CUL1: variants seen among roughly 807,000 people sequenced by gnomAD.
CUL1 encodes the protein cullin 1.
CUL1 carries 24 observed loss-of-function variants against 118.0 expected under a neutral mutation model. The observed-to-expected ratio is 0.20, with a 90% CI of 0.15 to 0.29. CUL1 has a LOEUF of 0.29. Among genes scored for constraint, CUL1 ranks in the 10% least tolerant of loss-of-function variants. The probability of loss-of-function intolerance (pLI) is 1.00; values close to 1 mark genes in which losing one functional copy is unlikely to be tolerated. For missense variants in CUL1, 361 were observed against 933.8 expected, an observed-to-expected ratio of 0.39 and a Z score of 7.99; for synonymous variants, 332 against 340.4, an observed-to-expected ratio of 0.98 and a Z score of 0.27.
intron 1 of CUL1, among the ~76,000 whole-genome samples, chr7:148,722,313 G>A (rs966045105): frequency 3.9e-5 from 6 of 152,048 alleles, no homozygotes; most frequent in Non-Finnish European, 5.9e-5. Context: ...CTACATCCTC[G>A]GATTGGGACT....
At position 148,729,967 on chromosome 7, in the gene CUL1, C is replaced by G; in HGVS notation, c.-156C>G. The G allele has an allele frequency of 1.2e-6, 1 of 806,110 alleles. No individual in the cohort carries two copies. The highest frequency in any genetic ancestry group is 1.9e-6 in the Non-Finnish European group (1 of 523,324). The allele number at this position is 806,110 out of a possible 1,614,324, so 49.9% of individuals were successfully genotyped here. ...TCTCTTTATTTCTTCCTCAGGTTTG[C>G]CTGCAATGAGATTTCATTCTCTACA... On this transcript the variant is annotated 5_prime_UTR_variant, in exon 2 of 22. Transcript: ENST00000325222.
intron 2 of CUL1, among the ~76,000 whole-genome samples, chr7:148,746,370 G>A (rs183589389): frequency 4.6e-5 from 7 of 151,462 alleles, no homozygotes; most frequent in African/African-American, 1.5e-4. Flanking sequence ...GCACACTTGC[G>A]TGCAGCCTTG....
At chr7:148,707,926 G>C (rs1797937887) in intron 1 of CUL1, among the ~76,000 whole-genome samples, 1 of 152,180 alleles carries the variant, frequency 6.6e-6, no homozygotes, top group African/African-American at 2.4e-5. Flanking sequence ...AGTTTAGGAA[G>C]CATCACCAGG....
rs1485114214 is a variant in CUL1 at position 148,759,327 on chromosome 7, C to G, written c.507C>G (p.Asp169Glu). ...IYSLALVTWR[D>E]CLFRPLNKQV... is the part of the protein sequence containing the mutation. ...AGCTTGCATTGGTGACTTGGAGAGA[C>G]TGTCTGTTCAGGCCACTGAATAAAC... Residue 169 changes from aspartate (D) to glutamate (E), a missense_variant, in exon 5 of 22, where the codon GAC becomes GAG. Asp to Glu is a conservative substitution (Grantham distance 45, BLOSUM62 2). Transcript: ENST00000325222. 6.2e-7 allele frequency: 1 copy of G among 1,613,904 alleles called. No individual in the cohort carries two copies. Among genetic ancestry groups the G allele is most frequent in the Non-Finnish European group, 8.5e-7 (1 of 1,179,968 alleles).
chr7:148,793,312 A>G (rs1430692809), intron 17 of CUL1, among the ~76,000 whole-genome samples: 4 of 152,314 alleles, frequency 2.6e-5, no homozygotes, highest in Admixed American at 2.0e-4. Flanking sequence ...TATATTTTAG[A>G]TAATAAAATT....
At chr7:148,788,714 A>G in intron 14 of CUL1, 40 bp downstream of exon 14, 1 of 1,270,582 alleles carries the variant, frequency 7.9e-7, no homozygotes, top group Non-Finnish European at 1.1e-6. Flanking sequence ...TTACAGGCAG[A>G]GTTCTCTGTA....
intron 2 of CUL1, among the ~76,000 whole-genome samples, chr7:148,751,119 G>A (rs243487): frequency 0.25 from 37,443 of 151,890 alleles, 5,423 homozygotes; most frequent in South Asian, 0.35. Flanking sequence ...CTGGATAGCC[G>A]CTTTGTAGCA....
At chr7:148,742,363 T>G (rs946108854) in intron 2 of CUL1, among the ~76,000 whole-genome samples, 2 of 152,068 alleles carry the variant, frequency 1.3e-5, no homozygotes, top group Non-Finnish European at 2.9e-5. Context: ...GCAAGAGAGC[T>G]TATGCAGGGA....
chr7:148,781,079 A>AT (rs1197920664), intron 9 of CUL1, among the ~76,000 whole-genome samples: 1,264 of 93,648 alleles, frequency 0.013, 74 homozygotes, highest in Middle Eastern at 0.026. Context: ...TCAAGGCCAG[A>AT]TTTTTTTTTT....
At chr7:148,711,066 A>G (rs1022261027) in intron 1 of CUL1, among the ~76,000 whole-genome samples, 2 of 152,310 alleles carry the variant, frequency 1.3e-5, no homozygotes, top group African/African-American at 4.8e-5. Context: ...CCTGCTTCTT[A>G]TTGAATGTTG....
At position 148,769,399 on chromosome 7, in the gene CUL1, A is replaced by T. The variant is rs1289112509; in HGVS notation, c.1083+1650A>T. 6.6e-4 allele frequency among the ~76,000 whole-genome samples: 24 copies of T among 36,174 alleles called. No individual in the cohort carries two copies. The East Asian group carries it at 0.011, about 16-fold the overall frequency. 23.7% of individuals were successfully genotyped at this position (36,174 alleles called of 152,430 possible). A position where few individuals can be genotyped will look rare whatever the true frequency, so the allele number is the denominator to read the frequency against. On this transcript the variant is annotated intron_variant, in intron 9 of 21. Coordinates refer to ENST00000325222, the MANE Select transcript of CUL1 (RefSeq NM_003592.3). Reference sequence around the variant, plus strand: ...AATGTTCCTTTAAAGGGCCTGATTCACACACACACACACACACACACACAC... The same window carrying T: ...AATGTTCCTTTAAAGGGCCTGATTCTCACACACACACACACACACACACAC...
At chr7:148,697,910 CA>C (rs1345058047), upstream of CUL1, 8 of 152,184 alleles carry the variant, frequency 5.3e-5, no homozygotes, top group Non-Finnish European at 7.3e-5. Context: ...CACGTGAAAA[CA>C]ATACTATTTT....
Position 148,791,792 on chromosome 7 carries a change from T to C in CUL1, c.1807-934T>C, listed in dbSNP as rs146568873. Among the ~76,000 whole-genome samples, 4 of 152,350 alleles carry C rather than the reference T, an allele frequency of 2.6e-5. No homozygotes were observed. The East Asian group carries it at 7.7e-4, about 29-fold the overall frequency. On this transcript the variant is annotated intron_variant, in intron 16 of 21. Coordinates refer to ENST00000325222, the MANE Select transcript of CUL1 (RefSeq NM_003592.3). ...ATGGGTCATTACTTGTTGCTGTCGA[T>C]TATGCAAGAAAACAGGGAGAAGAGA...
intron 9 of CUL1, among the ~76,000 whole-genome samples, chr7:148,767,959 G>T (rs985886843): frequency 1.2e-4 from 18 of 152,102 alleles, no homozygotes; most frequent in African/African-American, 4.1e-4. Flanking sequence ...CTTTTTAGGC[G>T]TTAATAATGT....
At position 148,800,573 on chromosome 7, in the gene CUL1, C is replaced by T; in HGVS notation, c.2322C>T (p.Tyr774=). ...RVDGEKDTYS[Y]LA Reference sequence around the variant, plus strand: ...ATGGTGAAAAGGACACCTACAGTTACTTGGCTTAACCCTTCTGGAAGGGTC... The same window carrying T: ...ATGGTGAAAAGGACACCTACAGTTATTTGGCTTAACCCTTCTGGAAGGGTC... Residue 774 remains tyrosine (Y), a synonymous_variant, in exon 22 of 22, where the codon TAC becomes TAT. Coordinates refer to ENST00000325222, the MANE Select transcript of CUL1 (RefSeq NM_003592.3). This position sits in a 1 kb window ranked among gnomAD's most constrained non-coding sequence, Gnocchi z 4.6. 1 of 1,612,634 alleles carries T rather than the reference C, an allele frequency of 6.2e-7. No homozygotes were observed. The highest frequency in any genetic ancestry group is 8.5e-7 in the Non-Finnish European group (1 of 1,178,682).
chr7:148,744,701 C>A (rs891828926), intron 2 of CUL1, among the ~76,000 whole-genome samples: 1 of 152,166 alleles, frequency 6.6e-6, no homozygotes, highest in South Asian at 2.1e-4. Context: ...CAGATACTTA[C>A]TGTTTCTACT....
rs375022611 is a variant in CUL1, at chr7:148,792,834, G to T, written c.1899+16G>T. The T allele has an allele frequency of 1.3e-6, 2 of 1,586,472 alleles. No individual in the cohort carries two copies. The highest frequency in any genetic ancestry group is 2.2e-5 in the East Asian group (1 of 44,692). On this transcript the variant is annotated intron_variant, in intron 17 of 21. Transcript: ENST00000325222. ...AATTAAAATGGTATTCTCATCTCAG[G>T]CTCGTTGTTCTATCAGCTTGCCGTT... is the stretch of plus-strand genomic sequence containing the variant.
chr7:148,783,113 C>T (rs1800697692), intron 9 of CUL1, among the ~76,000 whole-genome samples: 2 of 152,222 alleles, frequency 1.3e-5, no homozygotes, highest in Admixed American at 6.5e-5. Flanking sequence ...TAGCACTTAG[C>T]TCCGTCTCCT....
At chr7:148,791,805 CAG>C (rs1364585547) in intron 16 of CUL1, among the ~76,000 whole-genome samples, 2 of 152,176 alleles carry the variant, frequency 1.3e-5, no homozygotes, top group African/African-American at 2.4e-5. Flanking sequence ...TGCAAGAAAA[CAG>C]GGAGAAGAGA....
Sources: allele counts gnomAD v4.1 joint callset (sites outside exome capture counted in the v4.1 genomes callset), GRCh38; gene constraint gnomAD v4.1.1; non-coding constraint Gnocchi (gnomAD v3.1); transcripts MANE v1.5; gene names NCBI Gene and HGNC (gene_info 2026-07-23, HGNC 2026-07-21).